The following PCNT variants were observed in gnomAD, a reference collection of about 807,000 sequenced individuals.
PCNT encodes pericentrin.
Under a neutral mutation model 380.4 loss-of-function variants are expected in PCNT, and 319 were observed. That is an observed-to-expected ratio of 0.84 (90% confidence interval 0.77 to 0.92). The LOEUF (loss-of-function observed/expected upper bound fraction) is 0.92. PCNT is among the 40% of genes least tolerant of loss of function. The pLI, the probability that PCNT is intolerant of heterozygous loss-of-function variation, is 0.00. For missense variants in PCNT, 4,400 were observed against 4,255.3 expected, an observed-to-expected ratio of 1.03 and a Z score of -0.95; for synonymous variants, 1,845 against 1,735.2, an observed-to-expected ratio of 1.06 and a Z score of -1.57.
At chr21:46,356,350 G>A (rs571041502) in intron 12 of PCNT, among the ~76,000 whole-genome samples, 53 of 152,330 alleles carry the variant, frequency 3.5e-4, no homozygotes, top group African/African-American at 1.1e-3. Flanking sequence ...GTGCAGCGGC[G>A]CCTGCATCTG....
In PCNT at chr21:46,390,810, G is replaced by A. The variant is rs755440647; in HGVS notation, c.3981G>A (p.Ala1327=). 28 of 1,609,722 alleles carry A rather than the reference G, an allele frequency of 1.7e-5. No individual in the cohort carries two copies. The Admixed American group carries it at 3.5e-4, about 20-fold the overall frequency. Residue 1327 remains alanine, a synonymous_variant, in exon 20 of 47, where the codon GCG becomes GCA. Transcript: ENST00000359568. ...KEESAAKAEL[A]LELHKTQGTL... ...AGAGCGCAGCAAAGGCAGAGCTGGC[G>A]CTGGAGCTGCACAAGACTCAGGGTG... is the stretch of plus-strand genomic sequence containing the variant.
At chr21:46,371,394 C>G (rs1007562241) in intron 15 of PCNT, among the ~76,000 whole-genome samples, 3 of 152,018 alleles carry the variant, frequency 2.0e-5, no homozygotes, top group African/African-American at 7.2e-5. Flanking sequence ...TGTTTTGTCT[C>G]CCAGGCTGGT....
chr21:46,362,768 C>T (rs2084764894), intron 13 of PCNT, among the ~76,000 whole-genome samples: 2 of 151,912 alleles, frequency 1.3e-5, no homozygotes, highest in African/African-American at 4.8e-5. Context: ...ACATGCAGAA[C>T]CCTGTCTCTA....
rs2086022046 is a variant in PCNT, at chr21:46,391,280, C to G, written c.4120C>G (p.Gln1374Glu). ...ELESLRRQLQQAAQEQAALRE... is the reference protein window; with the variant it reads ...ELESLRRQLQEAAQEQAALRE... ...GGAGAGCCTGAGACGGCAGCTGCAG[C>G]AGGCGGCCCAGGAGCAGGCGGCGCT... Residue 1374 changes from glutamine to glutamate, a missense_variant, in exon 21 of 47, where the codon CAG becomes GAG. Transcript: ENST00000359568. 1.3e-6 allele frequency: 2 copies of G among 1,587,500 alleles called. No individual in the cohort carries two copies. The highest frequency in any genetic ancestry group is 3.6e-5 in the Admixed American group (2 of 55,192).
chr21:46,399,835 G>A (rs932958709), intron 25 of PCNT, 39 bp downstream of exon 25: 2 of 1,550,620 alleles, frequency 1.3e-6, no homozygotes, highest in Admixed American at 1.7e-5. Flanking sequence ...ACGTGGTGAG[G>A]TGTCCCGCAG....
rs749134992 is a variant in PCNT at position 46,355,464 on chromosome 21, C to T, written c.1774C>T (p.Arg592Cys). ...EPERHKESLPRFQAELEESHR... is the reference protein window; with the variant it reads ...EPERHKESLPCFQAELEESHR... Reference sequence around the variant, plus strand: ...GGTTTCTCTGTAGGAGAGCCTGCCACGCTTCCAGGCGGAGTTAGAAGAAAG... The same window carrying T: ...GGTTTCTCTGTAGGAGAGCCTGCCATGCTTCCAGGCGGAGTTAGAAGAAAG... The change falls in exon 12 of 47, where the codon CGC (arginine) becomes TGC (cysteine). Residue 592 changes from arginine (R) to cysteine (C), a missense_variant. Physicochemically the swap from Arg to Cys is radical, Grantham distance 180 (BLOSUM62 -3). Transcript: ENST00000359568. The T allele has an allele frequency of 5.0e-6, 8 of 1,613,740 alleles. No homozygotes were observed. Among genetic ancestry groups the T allele is most frequent in the Admixed American group, 1.7e-5 (1 of 60,010 alleles).
chr21:46,346,707 C>A lies in PCNT; in HGVS notation c.721-36C>A, dbSNP rs1601794810. ...CTCCCTGATGCGCCCTGGTTCTGACCATGGGCCCTTATCAGAGGCCTTTTC... is the reference window on the plus strand; with the variant it reads ...CTCCCTGATGCGCCCTGGTTCTGACAATGGGCCCTTATCAGAGGCCTTTTC... On this transcript the variant is annotated intron_variant, in intron 4 of 46. Coordinates refer to ENST00000359568, the MANE Select transcript of PCNT (RefSeq NM_006031.6). 3 of 1,579,360 alleles carry A rather than the reference C, an allele frequency of 1.9e-6. No individual in the cohort carries two copies. In the East Asian group the frequency reaches 6.9e-5, roughly 36 times the overall value.
intron 7 of PCNT, 95 bp from the exon 8 acceptor site, chr21:46,349,589 G>C: frequency 7.4e-7 from 1 of 1,353,498 alleles, no homozygotes. Context: ...GGGGCTCTGG[G>C]TGGCAGCGCT....
intron 7 of PCNT, 105 bp from the exon 8 acceptor site, chr21:46,349,578 TG>T: frequency 8.0e-7 from 1 of 1,251,788 alleles, no homozygotes; most frequent in Non-Finnish European, 1.2e-6. Context: ...GCGCCCAGGA[TG>T]GGGCTCTGGG....
chr21:46,374,588 G>A (rs146040977), intron 15 of PCNT, among the ~76,000 whole-genome samples: 7 of 152,222 alleles, frequency 4.6e-5, no homozygotes, highest in Non-Finnish European at 8.8e-5. Context: ...AGTGGCTCAC[G>A]CCTGTAATCC....
At position 46,374,849 on chromosome 21, in the gene PCNT, C is replaced by CAG. The variant is rs1555966723; in HGVS notation, c.3166-6844_3166-6843insGA. ...GGGCAACAAGAGCAAAACTTCGTCT[C>CAG]AAAAAAAAAAAAAAAAAAAAAAGTT... On this transcript the variant is annotated intron_variant, in intron 15 of 46. Transcript: ENST00000359568. 4.3e-3 allele frequency among the ~76,000 whole-genome samples: 370 copies of CAG among 85,552 alleles called. 2 individuals carry two copies. Among genetic ancestry groups the CAG allele is most frequent in the African/African-American group, 0.017 (358 of 21,120 alleles). The allele number at this position is 85,552 out of a possible 152,430, so 56.1% of individuals were successfully genotyped here.
At chr21:46,406,239 A>G (rs2086619013) in intron 27 of PCNT, among the ~76,000 whole-genome samples, 2 of 152,112 alleles carry the variant, frequency 1.3e-5, no homozygotes, top group African/African-American at 4.8e-5. Context: ...CCTCATCCTC[A>G]ATGTGGGCCC....
In PCNT at chr21:46,411,741, G is replaced by C. The variant is rs201631915; in HGVS notation, c.5668G>C (p.Glu1890Gln). The change falls in exon 28 of 47, where the codon GAG (glutamate) becomes CAG (glutamine). Residue 1890 changes from glutamate to glutamine, a missense_variant. By Grantham distance (29) the Glu-to-Gln change is conservative (BLOSUM62 2). Transcript: ENST00000359568. Reference protein sequence around the residue: ...LNQRKAAHSAELEAVLLALAR... With the variant: ...LNQRKAAHSAQLEAVLLALAR... ...CCAGCGGAAGGCGGCCCACTCTGCCGAGCTGGAGGCCGTCCTGTTGGCCTT... is the reference window on the plus strand; with the variant it reads ...CCAGCGGAAGGCGGCCCACTCTGCCCAGCTGGAGGCCGTCCTGTTGGCCTT... 417 of 1,611,520 alleles carry C rather than the reference G, an allele frequency of 2.6e-4. No individual in the cohort carries two copies. The highest frequency in any genetic ancestry group is 3.4e-4 in the Non-Finnish European group (396 of 1,179,758).
Position 46,442,562 on chromosome 21 carries a change from C to G in PCNT, c.9689C>G (p.Ala3230Gly). The change falls in exon 44 of 47, where the codon GCC (alanine) becomes GGC (glycine). Residue 3230 changes from alanine to glycine, a missense_variant. Physicochemically the swap from Ala to Gly is moderately conservative, Grantham distance 60 (BLOSUM62 0). Transcript: ENST00000359568. The part of the protein sequence containing the change: ...DRKGALAQGK[A>G]PRPGPRARQP... ...AAAGGAGCTCTGGCACAAGGCAAAG[C>G]CCCTCGCCCAGGTGGGACTCCAGCT... is the stretch of plus-strand genomic sequence containing the variant. The G allele has an allele frequency of 1.9e-6, 3 of 1,608,154 alleles. No individual in the cohort carries two copies. The highest frequency in any genetic ancestry group is 1.7e-4 in the Middle Eastern group (1 of 6,054).
At chr21:46,336,583 G>T (rs2083742611) in intron 3 of PCNT, among the ~76,000 whole-genome samples, 1 of 152,276 alleles carries the variant, frequency 6.6e-6, no homozygotes, top group South Asian at 2.1e-4. Flanking sequence ...CAGGCTCATC[G>T]TGTAGGCCCT....
At chr21:46,366,299 C>T (rs1309415240) in intron 14 of PCNT, among the ~76,000 whole-genome samples, 2 of 152,186 alleles carry the variant, frequency 1.3e-5, no homozygotes, top group South Asian at 2.1e-4. Flanking sequence ...TGTGTGTGTG[C>T]CATCTCTTGC....
At chr21:46,439,749 A>C (rs1351531855) in intron 41 of PCNT, among the ~76,000 whole-genome samples, 1 of 152,206 alleles carries the variant, frequency 6.6e-6, no homozygotes, top group Non-Finnish European at 1.5e-5. Flanking sequence ...CTAGGACCGG[A>C]GAATATGAGA....
intron 5 of PCNT, 28 bp from the exon 6 acceptor site, chr21:46,347,429 C>A (rs1353328678): frequency 2.5e-6 from 4 of 1,613,428 alleles, no homozygotes; most frequent in Non-Finnish European, 3.4e-6. Flanking sequence ...GATGGAGTGG[C>A]CTGAGCTGCT....
In PCNT at chr21:46,440,993, G is replaced by C. The variant is rs372024492; in HGVS notation, c.9532G>C (p.Gly3178Arg). 1.7e-5 allele frequency: 28 copies of C among 1,613,866 alleles called. No homozygotes were observed. Among genetic ancestry groups the C allele is most frequent in the African/African-American group, 4.0e-5 (3 of 74,916 alleles). Reference sequence around the variant, plus strand: ...AACACTCTCCATGATTGCCCATTTGGGGGTATTTCCTTCCAAAGCAGAACG... The same window carrying C: ...AACACTCTCCATGATTGCCCATTTGCGGGTATTTCCTTCCAAAGCAGAACG... ...QETLSMIAHL[G>R]VFPSKAERKI... Residue 3178 changes from glycine to arginine, a missense_variant, in exon 43 of 47, where the codon GGG becomes CGG. By Grantham distance (125) the Gly-to-Arg change is moderately radical. Transcript: ENST00000359568.
Sources: gnomAD v4.1 joint callset for allele counts (sites outside exome capture counted in the v4.1 genomes callset) on GRCh38, gnomAD v4.1.1 for gene constraint, MANE v1.5 for transcripts, NCBI Gene and HGNC (gene_info 2026-07-23, HGNC 2026-07-21) for gene names.